Variants in QTMAN observed in about 807,000 individuals in gnomAD.
QTMAN encodes queuosine-tRNA mannosyltransferase.
At chr2:144,018,437 GAATT>G in the QTMAN span, among the ~76,000 whole-genome samples, 1 of 151,766 alleles carries the variant, frequency 6.6e-6, no homozygotes, top group African/African-American at 2.4e-5. Flanking sequence ...ACCTCATCCA[GAATT>G]AATATTGGAA....
At chr2:144,198,022 T>G in the QTMAN span, among the ~76,000 whole-genome samples, 2 of 151,768 alleles carry the variant, frequency 1.3e-5, no homozygotes, top group African/African-American at 4.8e-5. Flanking sequence ...AGGCTAAGAG[T>G]TCAAGGCCAA....
chr2:144,202,000 C>A, the QTMAN span, among the ~76,000 whole-genome samples: 5 of 152,182 alleles, frequency 3.3e-5, no homozygotes, highest in Admixed American at 1.3e-4. Flanking sequence ...ATCTGTGACT[C>A]AGCTCCTACT....
At chr2:144,320,651 T>C in the QTMAN span, among the ~76,000 whole-genome samples, 1 of 152,140 alleles carries the variant, frequency 6.6e-6, no homozygotes, top group Non-Finnish European at 1.5e-5. Flanking sequence ...TATCAACCAT[T>C]CTCTGTAATG....
the QTMAN span, among the ~76,000 whole-genome samples, chr2:144,093,673 A>C: frequency 6.6e-6 from 1 of 152,364 alleles, no homozygotes; most frequent in South Asian, 2.1e-4. Context: ...AAAATAAGTT[A>C]CATGGACCTG....
the QTMAN span, among the ~76,000 whole-genome samples, chr2:144,052,693 C>T: frequency 4.0e-5 from 6 of 151,890 alleles, no homozygotes; most frequent in Non-Finnish European, 4.4e-5. Context: ...CTTTTGTTGC[C>T]CAGACTGGAG....
the QTMAN span, chr2:144,141,920 T>A: frequency 6.2e-6 from 10 of 1,611,488 alleles, no homozygotes; most frequent in Non-Finnish European, 8.5e-6. Context: ...AGTAAATAAC[T>A]TGGCACTTGG....
At chr2:144,070,098 A>C in the QTMAN span, among the ~76,000 whole-genome samples, 3 of 152,044 alleles carry the variant, frequency 2.0e-5, no homozygotes, top group Non-Finnish European at 4.4e-5. Flanking sequence ...CTCTCAATCT[A>C]ATCTAATTTT....
chr2:144,277,264 A>G, the QTMAN span, among the ~76,000 whole-genome samples: 1 of 152,234 alleles, frequency 6.6e-6, no homozygotes, highest in Middle Eastern at 3.4e-3. Flanking sequence ...CTTGCATTAT[A>G]TTTCTATTAG....
At chr2:144,049,289 A>C in the QTMAN span, among the ~76,000 whole-genome samples, 1 of 152,170 alleles carries the variant, frequency 6.6e-6, no homozygotes, top group Non-Finnish European at 1.5e-5. Context: ...TCATAGAAAT[A>C]TCTAACTCCA....
chr2:144,308,226 G>C, the QTMAN span, among the ~76,000 whole-genome samples: 1 of 149,676 alleles, frequency 6.7e-6, no homozygotes, highest in Admixed American at 6.7e-5. Context: ...GAGTGCAGTG[G>C]CACAATCTCA....
At chr2:144,309,943 C>A in the QTMAN span, among the ~76,000 whole-genome samples, 1 of 152,170 alleles carries the variant, frequency 6.6e-6, no homozygotes, top group Admixed American at 6.5e-5. Context: ...CCAGAAACGA[C>A]TCCAAGTCTG....
At chr2:143,962,157 GATATAT>G in the QTMAN span, among the ~76,000 whole-genome samples, 1 of 152,006 alleles carries the variant, frequency 6.6e-6, no homozygotes, top group African/African-American at 2.4e-5. Context: ...AGTGATAAGT[GATATAT>G]ATATCACTAT....
chr2:144,136,942 A>G, the QTMAN span, among the ~76,000 whole-genome samples: 1 of 152,138 alleles, frequency 6.6e-6, no homozygotes, highest in Non-Finnish European at 1.5e-5. Context: ...AGCCTTCAGT[A>G]TGGAAGGAGC....
the QTMAN span, among the ~76,000 whole-genome samples, chr2:144,070,375 T>C: frequency 6.6e-6 from 1 of 152,124 alleles, no homozygotes; most frequent in Non-Finnish European, 1.5e-5. Flanking sequence ...AGTACCAACA[T>C]ATTCAATTAT....
the QTMAN span, among the ~76,000 whole-genome samples, chr2:144,256,580 C>T: frequency 1.3e-5 from 2 of 152,076 alleles, no homozygotes. Context: ...AACCATCATC[C>T]TCAGCAAACT....
At chr2:144,054,440 G>A in the QTMAN span, among the ~76,000 whole-genome samples, 1 of 152,190 alleles carries the variant, frequency 6.6e-6, no homozygotes, top group African/African-American at 2.4e-5. Context: ...TGTAGAAGAG[G>A]TAACGGAAGC....
chr2:144,082,525 T>C, the QTMAN span, among the ~76,000 whole-genome samples: 1 of 152,170 alleles, frequency 6.6e-6, no homozygotes, highest in Admixed American at 6.5e-5. Context: ...CCTCTATCTC[T>C]ACCATTTTCT....
the QTMAN span, among the ~76,000 whole-genome samples, chr2:144,062,108 G>C: frequency 6.6e-6 from 1 of 152,166 alleles, no homozygotes; most frequent in African/African-American, 2.4e-5. Context: ...CAAAAAGGCT[G>C]TCACACTGAC....
At chr2:143,954,507 G>A in the QTMAN span, among the ~76,000 whole-genome samples, 16 of 151,956 alleles carry the variant, frequency 1.1e-4, no homozygotes, top group African/African-American at 3.4e-4. Flanking sequence ...TTAAAATACA[G>A]TAAGATAGAA....
Sources: gnomAD v4.1 joint callset for allele counts (sites outside exome capture counted in the v4.1 genomes callset) on GRCh38, gnomAD v4.1.1 for gene constraint, MANE v1.5 for transcripts, NCBI Gene and HGNC (gene_info 2026-07-23, HGNC 2026-07-21) for gene names.